Variants in MTR observed in about 807,000 individuals in gnomAD.
The protein encoded by MTR is methionine synthase.
In MTR, 84 loss-of-function variants were observed where a neutral mutation model predicts 154.8. That is an observed-to-expected ratio of 0.54 (90% CI 0.45 to 0.65). MTR has a LOEUF of 0.65. Ranked by LOEUF, MTR falls within the 30% of genes least tolerant of loss-of-function variation. The probability of loss-of-function intolerance (pLI) is 0.00; values close to 1 mark genes in which losing one functional copy is unlikely to be tolerated. For missense variants in MTR, 1,275 were observed against 1,570.2 expected (o/e 0.81, Z 3.18); for synonymous variants, 554 against 553.9 (o/e 1.00, Z 0.00).
chr1:236,850,286 T>G, intron 15 of MTR, 58 bp from the exon 16 acceptor site: 1 of 1,162,864 alleles, frequency 8.6e-7, no homozygotes, highest in Non-Finnish European at 1.2e-6. Flanking sequence ...TATTTAATAT[T>G]AATATTTTAA....
chr1:236,836,401 T>TA (rs977247290), intron 14 of MTR, among the ~76,000 whole-genome samples: 1 of 151,974 alleles, frequency 6.6e-6, no homozygotes, highest in Non-Finnish European at 1.5e-5. Flanking sequence ...ACGCATCATT[T>TA]AAAAAAAATT....
At chr1:236,869,091 A>G (rs1335246705) in intron 22 of MTR, among the ~76,000 whole-genome samples, 2 of 152,112 alleles carry the variant, frequency 1.3e-5, no homozygotes, top group African/African-American at 4.8e-5. Context: ...AGCAGCAGAC[A>G]GGCTGCCACC....
At chr1:236,797,850 C>T (rs1660481251) in intron 1 of MTR, among the ~76,000 whole-genome samples, 2 of 151,546 alleles carry the variant, frequency 1.3e-5, no homozygotes, top group Admixed American at 1.3e-4. Context: ...CCCAGCTACT[C>T]AGGAGGCTGA....
chr1:236,796,065 G>T (rs1471344125), intron 1 of MTR, among the ~76,000 whole-genome samples: 4 of 147,082 alleles, frequency 2.7e-5, no homozygotes, highest in Admixed American at 6.8e-5. Context: ...CCCTCTGGAA[G>T]TTTTTTTTTT....
intron 14 of MTR, among the ~76,000 whole-genome samples, chr1:236,836,630 C>T (rs969178822): frequency 6.6e-6 from 1 of 152,096 alleles, no homozygotes; most frequent in African/African-American, 2.4e-5. Context: ...TTTTATTAGG[C>T]TTCAGCAGAT....
intron 27 of MTR, among the ~76,000 whole-genome samples, chr1:236,886,841 G>A (rs905055154): frequency 2.0e-5 from 3 of 152,216 alleles, no homozygotes; most frequent in African/African-American, 4.8e-5. Flanking sequence ...CCCAGGGGCA[G>A]ATGTGAAATG....
chr1:236,803,609 A>C lies in MTR; in HGVS notation c.216A>C (p.Ile72=). The part of the protein sequence containing the change: ...PLKGNNDILS[I]TQPDVIYQIH... ...AAGGCAACAATGACATTTTAAGTAT[A>C]ACTCAGCCTGATGTCATTTACCAAA... Residue 72 remains isoleucine (I), a synonymous_variant, in exon 2 of 33, where the codon ATA becomes ATC. Coordinates refer to ENST00000366577, the MANE Select transcript of MTR (RefSeq NM_000254.3). 1 of 1,614,160 alleles carries C rather than the reference A, an allele frequency of 6.2e-7. No homozygotes were observed. The highest frequency in any genetic ancestry group is 8.5e-7 in the Non-Finnish European group (1 of 1,179,998).
At chr1:236,888,953 A>G (rs1453469425) in intron 27 of MTR, among the ~76,000 whole-genome samples, 1 of 152,164 alleles carries the variant, frequency 6.6e-6, no homozygotes, top group African/African-American at 2.4e-5. Flanking sequence ...ACAGTTTCCA[A>G]GGGTGGTGTA....
chr1:236,824,523 G>T (rs1662169590), intron 9 of MTR, among the ~76,000 whole-genome samples: 1 of 152,244 alleles, frequency 6.6e-6, no homozygotes, highest in African/African-American at 2.4e-5. Flanking sequence ...GTGTAAGGAA[G>T]AGAAGAGAGA....
chr1:236,840,179 A>G (rs1663149166), intron 15 of MTR, among the ~76,000 whole-genome samples: 1 of 152,192 alleles, frequency 6.6e-6, no homozygotes, highest in African/African-American at 2.4e-5. Flanking sequence ...TTGTGAAAAA[A>G]TTCAAATCAT....
intron 23 of MTR, 58 bp downstream of exon 23, chr1:236,873,898 C>CCA (rs1294707760): frequency 1.3e-6 from 2 of 1,507,408 alleles, no homozygotes; most frequent in African/African-American, 2.8e-5. Context: ...AGGTGTCTGT[C>CCA]ATTTCCCTAG....
chr1:236,851,754 G>A (rs992450131), intron 16 of MTR, among the ~76,000 whole-genome samples: 6 of 152,116 alleles, frequency 3.9e-5, no homozygotes, highest in African/African-American at 9.7e-5. Context: ...AAATAGAATC[G>A]TAATATTTTT....
intron 25 of MTR, among the ~76,000 whole-genome samples, chr1:236,881,196 G>A (rs1665713592): frequency 6.6e-6 from 1 of 152,110 alleles, no homozygotes; most frequent in South Asian, 2.1e-4. Flanking sequence ...CCTTTTTCCA[G>A]ATAGAAAAAC....
At chr1:236,883,226 A>G (rs1665846549) in intron 25 of MTR, among the ~76,000 whole-genome samples, 1 of 152,204 alleles carries the variant, frequency 6.6e-6, no homozygotes, top group Non-Finnish European at 1.5e-5. Flanking sequence ...AAACTGTGAT[A>G]TGTCCCAGTG....
intron 8 of MTR, chr1:236,819,689 C>G: frequency 1.5e-6 from 1 of 681,194 alleles, no homozygotes; most frequent in South Asian, 1.4e-5. Flanking sequence ...TCCTTAAGTT[C>G]CTTACAGCAG....
At chr1:236,837,994 G>GTTGAAT (rs1663006347) in intron 14 of MTR, among the ~76,000 whole-genome samples, 1 of 152,000 alleles carries the variant, frequency 6.6e-6, no homozygotes, top group Admixed American at 6.6e-5. Context: ...TAAAGGGAAG[G>GTTGAAT]TTGAATTTGA....
intron 24 of MTR, among the ~76,000 whole-genome samples, chr1:236,879,220 A>G (rs1665596623): frequency 6.6e-6 from 1 of 152,242 alleles, no homozygotes; most frequent in Non-Finnish European, 1.5e-5. Context: ...TCCAACCTTC[A>G]GCCTCACCTC....
chr1:236,801,780 A>T (rs149415116), intron 1 of MTR, among the ~76,000 whole-genome samples: 1 of 152,286 alleles, frequency 6.6e-6, no homozygotes, highest in East Asian at 1.9e-4. Flanking sequence ...AGTAACATGT[A>T]TTCAGTCTGA....
At position 236,803,574 on chromosome 1, in the gene MTR, A is replaced by C. The variant is rs886046217; in HGVS notation, c.181A>C (p.Arg61=). ...AGGTCAGGAATTTAAAGATCATGCCAGGCCGCTGAAAGGCAACAATGACAT... is the reference window on the plus strand; with the variant it reads ...AGGTCAGGAATTTAAAGATCATGCCCGGCCGCTGAAAGGCAACAATGACAT... ...FRGQEFKDHA[R]PLKGNNDILS... Residue 61 remains arginine, a synonymous_variant, in exon 2 of 33, where the codon AGG becomes CGG. Coordinates refer to ENST00000366577, the MANE Select transcript of MTR (RefSeq NM_000254.3). 9.3e-6 allele frequency: 15 copies of C among 1,614,224 alleles called. No homozygotes were observed. The highest frequency in any genetic ancestry group is 1.3e-5 in the African/African-American group (1 of 75,064).
Sources: gnomAD v4.1 joint callset for allele counts (sites outside exome capture counted in the v4.1 genomes callset) on GRCh38, gnomAD v4.1.1 for gene constraint, MANE v1.5 for transcripts, NCBI Gene and HGNC (gene_info 2026-07-23, HGNC 2026-07-21) for gene names.